Variants in CFAP43 observed in about 807,000 individuals in gnomAD.
CFAP43 encodes the protein cilia and flagella associated protein 43.
A neutral mutation model predicts 218.9 loss-of-function variants in CFAP43; 155 were observed. That is an observed-to-expected ratio of 0.71 (90% CI 0.62 to 0.81). The LOEUF is 0.81. CFAP43 is among the 30% of genes least tolerant of loss of function. The pLI is 0.00. For missense variants in CFAP43, 1,778 were observed against 1,954.3 expected (o/e 0.91, Z 1.70); for synonymous variants, 645 against 681.3 (o/e 0.95, Z 0.83).
chr10:104,175,641 A>G (rs2089601005), intron 19 of CFAP43, among the ~76,000 whole-genome samples: 1 of 152,156 alleles, frequency 6.6e-6, no homozygotes, highest in African/African-American at 2.4e-5. Context: ...TCGTGATTGC[A>G]TGGCTGACTA....
chr10:104,188,188 T>A, intron 13 of CFAP43, 82 bp downstream of exon 13: 1 of 1,544,736 alleles, frequency 6.5e-7, no homozygotes, highest in Non-Finnish European at 8.7e-7. Context: ...CATGCCAAGA[T>A]AAAAACAAAA....
intron 24 of CFAP43, among the ~76,000 whole-genome samples, chr10:104,163,499 T>C (rs1455008849): frequency 6.6e-6 from 1 of 152,234 alleles, no homozygotes. Flanking sequence ...AGATTTTAAT[T>C]GTTTTCTTTA....
rs768896486 is a variant in CFAP43 at position 104,166,682 on chromosome 10, T to C, written c.2845A>G (p.Lys949Glu). The C allele has an allele frequency of 4.3e-6, 7 of 1,613,768 alleles. No homozygotes were observed. The highest frequency in any genetic ancestry group is 5.9e-6 in the Non-Finnish European group (7 of 1,179,940). Residue 949 changes from lysine (K) to glutamate (E), a missense_variant, in exon 23 of 38, where the codon AAG (lysine) becomes GAG (glutamate). This residue lies in a region of CFAP43 where 1,553 missense variants were observed against 1,685.2 expected (regional missense o/e 0.92). Coordinates refer to ENST00000357060, the MANE Select transcript of CFAP43 (RefSeq NM_025145.7). ...KEIVEAQSGV[K>E]LIKQRHEEDD... ...TCTTCATGACGCTGTTTAATCAACTTAACTCCAGACTGAGCCTCTACAATT... is the reference window on the plus strand; with the variant it reads ...TCTTCATGACGCTGTTTAATCAACTCAACTCCAGACTGAGCCTCTACAATT...
chr10:104,161,348 G>A (rs530828329), intron 26 of CFAP43, among the ~76,000 whole-genome samples, 186 bp from the exon 27 acceptor site: 5 of 152,270 alleles, frequency 3.3e-5, no homozygotes, highest in African/African-American at 1.2e-4. Context: ...TGTGACTTAG[G>A]TGAAGGTGAG....
chr10:104,145,228 A>G (rs998221099), intron 31 of CFAP43, among the ~76,000 whole-genome samples: 5 of 152,248 alleles, frequency 3.3e-5, no homozygotes, highest in African/African-American at 9.6e-5. Flanking sequence ...AATCTACAAT[A>G]GTACCGTGCT....
At chr10:104,217,792 G>T (rs899234514) in intron 3 of CFAP43, among the ~76,000 whole-genome samples, 1 of 152,170 alleles carries the variant, frequency 6.6e-6, no homozygotes, top group African/African-American at 2.4e-5. Flanking sequence ...TGGGTAAAAT[G>T]GAGTTCATAA....
In CFAP43 at chr10:104,177,680, C is replaced by T. The variant is rs761408911; in HGVS notation, c.2460+1349G>A. On this transcript the variant is annotated intron_variant, in intron 19 of 37. Coordinates refer to ENST00000357060, the MANE Select transcript of CFAP43 (RefSeq NM_025145.7). ...GTACCAGCAAACCTAGAATACTCAT[C>T]GAACATATCAAGGTGCATAACTGTA... Among the ~76,000 whole-genome samples the T allele has an allele frequency of 1.2e-4, 19 of 152,192 alleles. No individual in the cohort carries two copies. In the East Asian group the frequency reaches 2.1e-3, roughly 17 times the overall value.
Position 104,139,497 on chromosome 10 carries a change from G to A in CFAP43, c.4431+1345C>T, listed in dbSNP as rs1325444533. Among the ~76,000 whole-genome samples the A allele has an allele frequency of 2.9e-4, 44 of 151,910 alleles. 1 individual carries two copies. The highest frequency in any genetic ancestry group is 2.9e-3 in the Admixed American group (44 of 15,242). On this transcript the variant is annotated intron_variant, in intron 34 of 37. Transcript: ENST00000357060. ...CTCAAAGCCAGACACATTAAATTCA[G>A]ATGAACAAAGATAAAAAATATAGCA...
chr10:104,131,612 G>A lies in CFAP43; in HGVS notation c.4678-128C>T, dbSNP rs2087198676. On this transcript the variant is annotated intron_variant, in intron 36 of 37. Coordinates refer to ENST00000357060, the MANE Select transcript of CFAP43 (RefSeq NM_025145.7). Reference sequence around the variant, plus strand: ...AAGATAACATCTTACCGCCATATCTGTAGTGCCTGGCATAGTAGGCACTCG... The same window carrying A: ...AAGATAACATCTTACCGCCATATCTATAGTGCCTGGCATAGTAGGCACTCG... 16 of 1,078,156 alleles carry A rather than the reference G, an allele frequency of 1.5e-5. No individual in the cohort carries two copies. In the East Asian group the frequency reaches 4.3e-4, roughly 29 times the overall value. 66.8% of individuals were successfully genotyped at this position (1,078,156 alleles called of 1,614,324 possible).
At position 104,152,737 on chromosome 10, in the gene CFAP43, A is replaced by G. The variant is rs776203497; in HGVS notation, c.3541-11T>C. Reference sequence around the variant, plus strand: ...TTCTGCTTCTAATGACTAAAAGGAAAACAATAGTAAAGTTAACGTTTAAGA... The same window carrying G: ...TTCTGCTTCTAATGACTAAAAGGAAGACAATAGTAAAGTTAACGTTTAAGA... On this transcript the variant is annotated splice_polypyrimidine_tract_variant and intron_variant, in intron 27 of 37. Transcript: ENST00000357060. The G allele has an allele frequency of 7.5e-6, 12 of 1,602,406 alleles. No individual in the cohort carries two copies. In the East Asian group the frequency reaches 2.2e-4, roughly 30 times the overall value.
intron 24 of CFAP43, among the ~76,000 whole-genome samples, chr10:104,163,319 G>A (rs1002644039): frequency 2.6e-5 from 4 of 152,114 alleles, no homozygotes; most frequent in Non-Finnish European, 4.4e-5. Flanking sequence ...AGGGCACCAC[G>A]AATGGTGCCC....
chr10:104,193,787 AAAAG>A, intron 11 of CFAP43, 75 bp downstream of exon 11: 1 of 1,494,790 alleles, frequency 6.7e-7, no homozygotes, highest in Non-Finnish European at 9.0e-7. Context: ...ACTTAAAATT[AAAAG>A]AAAGGATGGC....
chr10:104,220,948 G>C (rs952973382), intron 3 of CFAP43, among the ~76,000 whole-genome samples: 6 of 135,950 alleles, frequency 4.4e-5, no homozygotes, highest in African/African-American at 1.8e-4. Flanking sequence ...ATATGAGTGA[G>C]CGTGTGTGTG....
chr10:104,189,364 A>C (rs906155687), intron 12 of CFAP43, among the ~76,000 whole-genome samples: 1 of 152,116 alleles, frequency 6.6e-6, no homozygotes, highest in African/African-American at 2.4e-5. Context: ...AAACTTCCTA[A>C]AATAGTTTTG....
chr10:104,185,927 G>T, intron 15 of CFAP43, 47 bp downstream of exon 15: 2 of 1,552,438 alleles, frequency 1.3e-6, no homozygotes, highest in Non-Finnish European at 1.8e-6. Flanking sequence ...TCCTATATGA[G>T]ATCAATATAT....
intron 27 of CFAP43, among the ~76,000 whole-genome samples, chr10:104,155,594 C>T (rs191759163): frequency 6.6e-6 from 1 of 152,130 alleles, no homozygotes; most frequent in African/African-American, 2.4e-5. Flanking sequence ...GTGATAAGTA[C>T]TATGGAGAAC....
At chr10:104,141,391 C>T (rs934524709) in intron 33 of CFAP43, among the ~76,000 whole-genome samples, 5 of 152,104 alleles carry the variant, frequency 3.3e-5, no homozygotes, top group African/African-American at 9.7e-5. Flanking sequence ...GTGGGTGGAT[C>T]ATCTGAGGTC....
chr10:104,231,510 T>C (rs1178653383), intron 1 of CFAP43, among the ~76,000 whole-genome samples: 1 of 152,148 alleles, frequency 6.6e-6, no homozygotes, highest in Non-Finnish European at 1.5e-5. Flanking sequence ...TTTATTTAAA[T>C]ATTAAAGGTA....
At position 104,140,447 on chromosome 10, in the gene CFAP43, A is replaced by G. The variant is rs75466740; in HGVS notation, c.4431+395T>C. Among the ~76,000 whole-genome samples, 73 of 152,360 alleles carry G rather than the reference A, an allele frequency of 4.8e-4. 1 individual carries two copies. In the East Asian group the frequency reaches 0.012, roughly 25 times the overall value. ...CCACTGACTTAATTGAATTAAAATT[A>G]CTTATGAAAATGGGAGAATAATGTA... is the stretch of plus-strand genomic sequence containing the variant. On this transcript the variant is annotated intron_variant, in intron 34 of 37. Transcript: ENST00000357060.
Sources: allele counts gnomAD v4.1 joint callset (sites outside exome capture counted in the v4.1 genomes callset), GRCh38; gene constraint gnomAD v4.1.1; regional missense constraint gnomAD v4.1.1; transcripts MANE v1.5; gene names NCBI Gene and HGNC (gene_info 2026-07-23, HGNC 2026-07-21).